Variants in WNK3 observed in about 807,000 individuals in gnomAD.
WNK3 encodes the protein serine/threonine-protein kinase WNK3.
In WNK3, 18 loss-of-function variants were observed where a neutral mutation model predicts 116.7. That is an observed-to-expected ratio of 0.15 (90% CI 0.11 to 0.23). WNK3 has a LOEUF of 0.23. WNK3 is among the 10% of genes least tolerant of loss of function. The pLI, the probability that WNK3 is intolerant of heterozygous loss-of-function variation, is 1.00. For synonymous variants in WNK3, 404 were observed against 469.4 expected, an observed-to-expected ratio of 0.86 and a Z score of 1.80; for missense variants, 993 against 1,323.8, an observed-to-expected ratio of 0.75 and a Z score of 3.88.
chrX:54,210,932 A>C (rs111339334), intron 22 of WNK3, among the ~76,000 whole-genome samples: 3,373 of 111,928 alleles, frequency 0.03, 57 homozygotes, highest in Non-Finnish European at 0.05. Context: ...AGAACTGTGC[A>C]ATCTGTGGTG....
chrX:54,197,985 A>C, exon 24 of WNK3: 2 of 141,214 alleles, frequency 1.4e-5, no homozygotes, highest in Non-Finnish European at 2.7e-5. Context: ...GGGGATGGGG[A>C]GCTTCTCAAC....
chrX:54,285,813 A>G (rs1557163804), intron 10 of WNK3, among the ~76,000 whole-genome samples: 2 of 112,290 alleles, frequency 1.8e-5, no homozygotes. Flanking sequence ...TATGCATTTT[A>G]CTGTATATAC....
intron 2 of WNK3, among the ~76,000 whole-genome samples, chrX:54,323,031 G>T (rs1557172606): frequency 9.0e-6 from 1 of 111,126 alleles, no homozygotes; most frequent in Non-Finnish European, 1.9e-5. Flanking sequence ...TACACCAACG[G>T]ATGCTAAAAT....
chrX:54,211,649 C>T (rs1048974376), intron 22 of WNK3, among the ~76,000 whole-genome samples: 30 of 109,429 alleles, frequency 2.7e-4, no homozygotes, highest in African/African-American at 9.6e-4. Flanking sequence ...ACTAAAAATA[C>T]AAAAATTAGC....
At chrX:54,350,782 C>T (rs1487112351) in intron 1 of WNK3, among the ~76,000 whole-genome samples, 1 of 110,829 alleles carries the variant, frequency 9.0e-6, no homozygotes, top group African/African-American at 3.3e-5. Flanking sequence ...AACAAACAAA[C>T]AAACAAAATC....
intron 17 of WNK3, among the ~76,000 whole-genome samples, chrX:54,245,827 T>C (rs888958742): frequency 1.8e-5 from 2 of 111,742 alleles, no homozygotes; most frequent in African/African-American, 3.2e-5. Context: ...CAGGTAGAAT[T>C]TGACAGTGAC....
intron 10 of WNK3, among the ~76,000 whole-genome samples, chrX:54,279,055 C>G (rs112682520): frequency 0.047 from 5,056 of 108,715 alleles, 122 homozygotes; most frequent in Non-Finnish European, 0.074. Context: ...GCGACAAGAG[C>G]GAAACTCCAT....
intron 10 of WNK3, among the ~76,000 whole-genome samples, chrX:54,277,626 G>A (rs1191998187): frequency 3.6e-5 from 4 of 111,041 alleles, no homozygotes; most frequent in East Asian, 5.7e-4. Context: ...GTGAGCCAAC[G>A]CGCCCGGCCA....
chrX:54,271,096 G>A (rs1227028012), intron 10 of WNK3, among the ~76,000 whole-genome samples: 2 of 111,903 alleles, frequency 1.8e-5, no homozygotes, highest in Non-Finnish European at 3.8e-5. Flanking sequence ...CTATTTTTAT[G>A]TGAGGAAATA....
rs782355742 is a variant in WNK3, at chrX:54,238,558, G to A, written c.3884-86C>T. ...TTTACATTACCAAAAATGAAGAAAA[G>A]TAGAAAAAGCTTAACTCCTGCTAGA... On this transcript the variant is annotated intron_variant, in intron 18 of 23. Transcript: ENST00000354646. 9.3e-6 allele frequency: 9 copies of A among 967,938 alleles called. No individual in the cohort carries two copies. In the South Asian group the frequency reaches 2.2e-4, roughly 24 times the overall value. The allele number at this position is 967,938 out of a possible 1,213,427, so 79.8% of individuals were successfully genotyped here.
chrX:54,234,469 C>T (rs1442431522), intron 20 of WNK3, among the ~76,000 whole-genome samples: 3 of 111,697 alleles, frequency 2.7e-5, no homozygotes, highest in African/African-American at 9.8e-5. Flanking sequence ...CACCCAGTTA[C>T]AAAAAACTAG....
intron 17 of WNK3, among the ~76,000 whole-genome samples, chrX:54,247,199 CAAAT>C (rs1440493079): frequency 9.0e-6 from 1 of 111,474 alleles, no homozygotes; most frequent in Admixed American, 9.6e-5. Context: ...ACACTTGAAA[CAAAT>C]AAATGAATTC....
intron 2 of WNK3, among the ~76,000 whole-genome samples, chrX:54,327,561 A>G (rs782750609): frequency 8.9e-6 from 1 of 112,067 alleles, no homozygotes; most frequent in Non-Finnish European, 1.9e-5. Context: ...AAATTTAAAA[A>G]AAAGAAAAGT....
chrX:54,318,378 A>G (rs1036202078), intron 2 of WNK3, among the ~76,000 whole-genome samples: 3 of 108,953 alleles, frequency 2.8e-5, no homozygotes, highest in African/African-American at 1.0e-4. Flanking sequence ...AAAAAAGGTT[A>G]AGATGGTAAC....
intron 1 of WNK3, among the ~76,000 whole-genome samples, chrX:54,349,071 C>T (rs782807385): frequency 6.2e-5 from 7 of 112,612 alleles, no homozygotes; most frequent in Admixed American, 3.8e-4. Context: ...CACAGTGGCT[C>T]ATGCCTGTAA....
chrX:54,230,290 G>A (rs2067886678), intron 21 of WNK3, among the ~76,000 whole-genome samples: 3 of 110,904 alleles, frequency 2.7e-5, no homozygotes, highest in Middle Eastern at 4.7e-3. Flanking sequence ...CATGTAAATC[G>A]ACAATTATCT....
At chrX:54,252,036 G>C (rs2146939722) in intron 13 of WNK3, among the ~76,000 whole-genome samples, 1 of 96,692 alleles carries the variant, frequency 1.0e-5, no homozygotes, top group East Asian at 3.2e-4. Context: ...TTGCACTACA[G>C]CCTGGGCAAC....
At chrX:54,318,779 T>A in intron 2 of WNK3, among the ~76,000 whole-genome samples, 1 of 110,023 alleles carries the variant, frequency 9.1e-6, no homozygotes, top group East Asian at 2.9e-4. Context: ...GCCTAATAAG[T>A]CTTTTCTTTT....
chrX:54,249,950 C>T (rs2068111440), intron 16 of WNK3, 44 bp downstream of exon 16: 2 of 1,157,268 alleles, frequency 1.7e-6, no homozygotes, highest in Admixed American at 5.8e-5. Flanking sequence ...TTTTGCATCC[C>T]ATCCTTTGAG....
Sources: allele counts gnomAD v4.1 joint callset (sites outside exome capture counted in the v4.1 genomes callset), GRCh38; gene constraint gnomAD v4.1.1; transcripts MANE v1.5; gene names NCBI Gene and HGNC (gene_info 2026-07-23, HGNC 2026-07-21).